Variants in RABGAP1L observed in about 807,000 individuals in gnomAD.
RABGAP1L encodes the protein RAB GTPase activating protein 1 like, also known as rab GTPase-activating protein 1-like.
Under a neutral mutation model 137.7 loss-of-function variants are expected in RABGAP1L, and 63 were observed. That is an observed-to-expected ratio of 0.46 (90% CI 0.37 to 0.56). The LOEUF is 0.56. Ranked by LOEUF, RABGAP1L falls within the 20% of genes least tolerant of loss-of-function variation. The probability of loss-of-function intolerance (pLI) is 0.00; values close to 1 mark genes in which losing one functional copy is unlikely to be tolerated. For missense variants in RABGAP1L, 1,095 were observed against 1,244.0 expected, an observed-to-expected ratio of 0.88 and a Z score of 1.80; for synonymous variants, 431 against 433.7, an observed-to-expected ratio of 0.99 and a Z score of 0.08.
chr1:174,219,150 G>C lies in RABGAP1L; in HGVS notation c.-8G>C. 1 of 1,588,422 alleles carries C rather than the reference G, an allele frequency of 6.3e-7. No individual in the cohort carries two copies. Among genetic ancestry groups the C allele is most frequent in the South Asian group, 1.2e-5 (1 of 84,366 alleles). ...GTGGTTGTGGGAAGAGAAGTTTGCA[G>C]AACTGAAATGGAGGTCAGAGCTTCA... On this transcript the variant is annotated 5_prime_UTR_variant, in exon 2 of 26. Transcript: ENST00000681986.
intron 19 of RABGAP1L, among the ~76,000 whole-genome samples, chr1:174,848,519 T>A (rs957503494): frequency 1.3e-5 from 2 of 148,988 alleles, no homozygotes; most frequent in African/African-American, 5.1e-5. Flanking sequence ...TGCTGGGGGG[T>A]GCCTCCCAGT....
chr1:174,339,879 T>G (rs573821226), intron 11 of RABGAP1L, among the ~76,000 whole-genome samples: 29 of 152,286 alleles, frequency 1.9e-4, no homozygotes, highest in African/African-American at 6.5e-4. Context: ...AGTGCTGGAA[T>G]TACAGGTGTG....
chr1:174,651,714 T>G (rs1675511465), intron 14 of RABGAP1L, among the ~76,000 whole-genome samples: 1 of 152,232 alleles, frequency 6.6e-6, no homozygotes, highest in Admixed American at 6.5e-5. Flanking sequence ...CCTTCTGTTT[T>G]GAGCCTATGT....
At chr1:174,195,574 A>ATTCTTTCC (rs1667514992) in intron 1 of RABGAP1L, among the ~76,000 whole-genome samples, 2 of 74,538 alleles carry the variant, frequency 2.7e-5, no homozygotes, top group African/African-American at 1.5e-4. Flanking sequence ...TTCTTAATCA[A>ATTCTTTCC]TTCTTTCTTT....
intron 4 of RABGAP1L, among the ~76,000 whole-genome samples, chr1:174,236,557 G>C (rs1312660040): frequency 6.6e-6 from 1 of 151,522 alleles, no homozygotes; most frequent in African/African-American, 2.4e-5. Context: ...AGGTTGTTCA[G>C]TTTCCATGTA....
chr1:174,840,838 AAAG>A (rs1270093019), intron 19 of RABGAP1L, among the ~76,000 whole-genome samples: 3 of 151,126 alleles, frequency 2.0e-5, no homozygotes, highest in African/African-American at 4.8e-5. Context: ...AAAAAAAAAA[AAAG>A]AAGAAGAAGG....
intron 14 of RABGAP1L, among the ~76,000 whole-genome samples, chr1:174,665,709 C>T (rs1676741586): frequency 6.6e-6 from 1 of 152,212 alleles, no homozygotes. Context: ...AGGTGATCCG[C>T]CTGCCTTGGC....
intron 19 of RABGAP1L, among the ~76,000 whole-genome samples, chr1:174,823,867 T>C (rs546076375): frequency 6.6e-6 from 1 of 152,350 alleles, no homozygotes; most frequent in Admixed American, 6.5e-5. Context: ...AGAAATTGGC[T>C]GGGTAAGTGG....
At chr1:174,810,595 T>G (rs1340985479) in intron 18 of RABGAP1L, among the ~76,000 whole-genome samples, 2 of 152,234 alleles carry the variant, frequency 1.3e-5, no homozygotes, top group East Asian at 3.8e-4. Flanking sequence ...TTATGTGATT[T>G]CTGGGTGCTT....
At chr1:174,181,700 C>T (rs1666384747) in intron 1 of RABGAP1L, among the ~76,000 whole-genome samples, 1 of 152,090 alleles carries the variant, frequency 6.6e-6, no homozygotes, top group Admixed American at 6.6e-5. Context: ...GGAATCAAGC[C>T]CCCACAGATA....
chr1:174,633,702 C>T (rs1402934349), intron 13 of RABGAP1L, among the ~76,000 whole-genome samples: 1 of 131,246 alleles, frequency 7.6e-6, no homozygotes, highest in Non-Finnish European at 1.6e-5. Flanking sequence ...ATCAATGGAA[C>T]AGAACAGAGC....
intron 1 of RABGAP1L, among the ~76,000 whole-genome samples, chr1:174,184,049 A>G (rs1666602163): frequency 7.0e-6 from 1 of 142,524 alleles, no homozygotes; most frequent in Non-Finnish European, 1.5e-5. Flanking sequence ...GTTTTTTTTT[A>G]GTAGAGACGG....
At chr1:174,674,834 G>A (rs1224334520) in intron 14 of RABGAP1L, among the ~76,000 whole-genome samples, 1 of 152,290 alleles carries the variant, frequency 6.6e-6, no homozygotes, top group Admixed American at 6.5e-5. Flanking sequence ...TTCTCTGATG[G>A]CCAGTGATGA....
chr1:174,492,994 G>T (rs184663943), intron 13 of RABGAP1L, among the ~76,000 whole-genome samples: 2 of 151,536 alleles, frequency 1.3e-5, no homozygotes, highest in East Asian at 3.9e-4. Context: ...TAGGCTTTAA[G>T]CTCCATGAGG....
chr1:174,870,287 T>C (rs1651967859), intron 19 of RABGAP1L, among the ~76,000 whole-genome samples: 1 of 152,242 alleles, frequency 6.6e-6, no homozygotes, highest in African/African-American at 2.4e-5. Context: ...TTATTTCACT[T>C]TGCCTATCTA....
chr1:174,607,250 A>G (rs1401729301), intron 13 of RABGAP1L, among the ~76,000 whole-genome samples: 6 of 152,210 alleles, frequency 3.9e-5, no homozygotes, highest in Non-Finnish European at 5.9e-5. Flanking sequence ...TAAAATAGAA[A>G]CAAAGAGCTA....
intron 13 of RABGAP1L, among the ~76,000 whole-genome samples, chr1:174,553,509 A>G (rs778939362): frequency 4.6e-5 from 7 of 152,192 alleles, no homozygotes; most frequent in Non-Finnish European, 1.0e-4. Flanking sequence ...TTTAGGAGAA[A>G]TTAACTTCAA....
chr1:174,171,714 A>G (rs1571355609), intron 1 of RABGAP1L, among the ~76,000 whole-genome samples: 1 of 149,610 alleles, frequency 6.7e-6, no homozygotes. Flanking sequence ...AAAAAAAAAA[A>G]GGATTTCGCT....
intron 18 of RABGAP1L, among the ~76,000 whole-genome samples, chr1:174,773,125 T>C (rs1686251542): frequency 6.6e-6 from 1 of 151,702 alleles, no homozygotes; most frequent in African/African-American, 2.4e-5. Flanking sequence ...TAGGCCTGTC[T>C]TACTACAGAG....
Sources: allele counts gnomAD v4.1 joint callset (sites outside exome capture counted in the v4.1 genomes callset), GRCh38; gene constraint gnomAD v4.1.1; transcripts MANE v1.5; gene names NCBI Gene and HGNC (gene_info 2026-07-23, HGNC 2026-07-21).